The following XYLB variants were observed in gnomAD, a reference collection of about 807,000 sequenced individuals.
The protein encoded by XYLB is xylulokinase, also known as xylulose kinase.
A neutral mutation model predicts 78.7 loss-of-function variants in XYLB; 62 were observed. The observed-to-expected ratio is 0.79, with a 90% CI of 0.64 to 0.97. The LOEUF (loss-of-function observed/expected upper bound fraction) is 0.97. XYLB is among the 50% of genes least tolerant of loss of function. XYLB has a pLI of 0.00. For synonymous variants in XYLB, 245 were observed against 247.4 expected (o/e 0.99, Z 0.09); for missense variants, 687 against 676.8 (o/e 1.02, Z -0.17).
chr3:38,356,124 G>A (rs1488945294), intron 2 of XYLB: 10 of 190,604 alleles, frequency 5.2e-5, no homozygotes, highest in African/African-American at 1.6e-4. Context: ...GGTGCCGGGC[G>A]CCTGTAGTCC....
the XYLB span, among the ~76,000 whole-genome samples, chr3:38,429,635 T>C: frequency 6.6e-6 from 1 of 152,280 alleles, no homozygotes; most frequent in South Asian, 2.1e-4. Flanking sequence ...TAAGTATATA[T>C]GTATTTGGTT....
At chr3:38,446,634 T>A in the XYLB span, among the ~76,000 whole-genome samples, 45 of 152,312 alleles carry the variant, frequency 3.0e-4, no homozygotes, top group Middle Eastern at 3.4e-3. Flanking sequence ...AGCCAACGAA[T>A]CTTTAACAAA....
intron 2 of XYLB, chr3:38,356,518 T>C (rs563223879): frequency 6.6e-6 from 1 of 152,354 alleles, no homozygotes; most frequent in Non-Finnish European, 1.5e-5. Context: ...TCTGGACATT[T>C]CGTAGACATG....
chr3:38,419,603 T>TATATATATATATATATATATATAA (rs71085322), downstream of XYLB, among the ~76,000 whole-genome samples: 370 of 80,574 alleles, frequency 4.6e-3, 34 homozygotes, highest in Non-Finnish European at 8.2e-3. Flanking sequence ...TATATATATA[T>TATATATATATATATATATATATAA]AATAGCCATC....
Position 38,346,836 on chromosome 3 carries a change from G to A in XYLB, c.-33G>A. ...TATCACGCCGCGTGGCGGACGGACG[G>A]ACTGACGGACGCGCAGCCTTACCCG... On this transcript the variant is annotated 5_prime_UTR_variant, in exon 1 of 19. Coordinates refer to ENST00000207870, the MANE Select transcript of XYLB (RefSeq NM_005108.4). 6.7e-7 allele frequency: 1 copy of A among 1,490,802 alleles called. No homozygotes were observed. The highest frequency in any genetic ancestry group is 8.9e-7 in the Non-Finnish European group (1 of 1,120,894). The allele number at this position is 1,490,802 out of a possible 1,614,324, so 92.3% of individuals were successfully genotyped here.
At chr3:38,424,499 AT>A (rs1709062586), downstream of XYLB, among the ~76,000 whole-genome samples, 1 of 152,234 alleles carries the variant, frequency 6.6e-6, no homozygotes, top group African/African-American at 2.4e-5. Flanking sequence ...AAATTAACTA[AT>A]TGGATTCTCC....
chr3:38,418,524 T>G (rs1204030515), downstream of XYLB, among the ~76,000 whole-genome samples: 1 of 152,178 alleles, frequency 6.6e-6, no homozygotes, highest in East Asian at 1.9e-4. Context: ...TGTGAAATTA[T>G]TGATAACAGC....
At chr3:38,416,941 A>G (rs751661489), downstream of XYLB, among the ~76,000 whole-genome samples, 4 of 152,178 alleles carry the variant, frequency 2.6e-5, no homozygotes, top group East Asian at 7.7e-4. Flanking sequence ...GTCAAAGCAC[A>G]TAACATTTGC....
chr3:38,441,679 C>T, the XYLB span, among the ~76,000 whole-genome samples: 80 of 152,190 alleles, frequency 5.3e-4, no homozygotes, highest in Non-Finnish European at 1.1e-3. Context: ...ATGCCATTTA[C>T]ACCATGAGTA....
the XYLB span, among the ~76,000 whole-genome samples, chr3:38,445,987 G>T: frequency 6.6e-6 from 1 of 152,184 alleles, no homozygotes; most frequent in Non-Finnish European, 1.5e-5. Flanking sequence ...CCTCAAGAAT[G>T]AAGTCGTGGA....
chr3:38,366,148 C>G (rs1023414373), intron 6 of XYLB, among the ~76,000 whole-genome samples: 3 of 151,676 alleles, frequency 2.0e-5, no homozygotes, highest in Non-Finnish European at 4.4e-5. Flanking sequence ...AATAGTGTCT[C>G]TGTTCCACAG....
chr3:38,363,114 C>A, intron 4 of XYLB, 97 bp downstream of exon 4: 2 of 1,023,948 alleles, frequency 2.0e-6, no homozygotes, highest in Non-Finnish European at 1.3e-6. Context: ...TGGGGAGCGG[C>A]TCATTCTTGA....
chr3:38,375,075 G>C, intron 11 of XYLB, 69 bp from the exon 12 acceptor site: 5 of 1,250,432 alleles, frequency 4.0e-6, no homozygotes, highest in Non-Finnish European at 5.7e-6. Context: ...GGAGTACAGC[G>C]CGTCGCTGGC....
chr3:38,406,269 G>C (rs2125667717), intron 18 of XYLB, among the ~76,000 whole-genome samples: 1 of 152,358 alleles, frequency 6.6e-6, no homozygotes, highest in East Asian at 1.9e-4. Flanking sequence ...TGATACCCAG[G>C]CAAACAGGGT....
chr3:38,364,719 AGGGTTTT>A (rs1706155552), intron 4 of XYLB, among the ~76,000 whole-genome samples: 1 of 2,922 alleles, frequency 3.4e-4, no homozygotes, highest in African/African-American at 4.0e-4. Flanking sequence ...GCAGCTCCAT[AGGGTTTT>A]ATAGTTGTAC....
the XYLB span, among the ~76,000 whole-genome samples, chr3:38,438,920 G>T: frequency 1.3e-5 from 2 of 152,130 alleles, no homozygotes; most frequent in African/African-American, 4.8e-5. Context: ...GAGCTGATTG[G>T]TGCGTTTTTA....
chr3:38,429,549 C>T, the XYLB span, among the ~76,000 whole-genome samples: 3 of 152,048 alleles, frequency 2.0e-5, no homozygotes, highest in Non-Finnish European at 2.9e-5. Context: ...CTCCTGAGGC[C>T]TCTCTCTTTT....
the XYLB span, among the ~76,000 whole-genome samples, chr3:38,442,744 T>TA: frequency 4.6e-5 from 6 of 130,862 alleles, no homozygotes; most frequent in Admixed American, 4.6e-4. Context: ...TTTTTTTTTT[T>TA]ACTAAGACTT....
At chr3:38,428,451 A>AT in the XYLB span, among the ~76,000 whole-genome samples, 1 of 152,054 alleles carries the variant, frequency 6.6e-6, no homozygotes, top group Middle Eastern at 3.4e-3. Flanking sequence ...GTATTTCTTC[A>AT]TTTTTCCTTT....
Sources: allele counts gnomAD v4.1 joint callset (sites outside exome capture counted in the v4.1 genomes callset), GRCh38; gene constraint gnomAD v4.1.1; transcripts MANE v1.5; gene names NCBI Gene and HGNC (gene_info 2026-07-23, HGNC 2026-07-21).